The following NSD1 variants were observed in gnomAD, a reference collection of about 807,000 sequenced individuals.
NSD1 encodes the protein nuclear receptor binding SET domain protein 1, also known as histone-lysine N-methyltransferase, H3 lysine-36 specific.
In NSD1, 26 loss-of-function variants were observed where a neutral mutation model predicts 242.7. That is an observed-to-expected ratio of 0.11 (90% confidence interval 0.08 to 0.15). The LOEUF (loss-of-function observed/expected upper bound fraction) is 0.15, where lower values mean the gene tolerates loss of function less well. Ranked by LOEUF, NSD1 falls within the 10% of genes least tolerant of loss-of-function variation. The pLI, the probability that NSD1 is intolerant of heterozygous loss-of-function variation, is 1.00. For synonymous variants in NSD1, 1,106 were observed against 1,178.1 expected (o/e 0.94, Z 1.25); for missense variants, 2,495 against 3,272.8 (o/e 0.76, Z 5.80).
intron 4 of NSD1, among the ~76,000 whole-genome samples, chr5:177,208,508 GTTTTTC>G (rs1763074502): frequency 6.8e-6 from 1 of 148,064 alleles, no homozygotes; most frequent in African/African-American, 2.5e-5. Flanking sequence ...TTTTTTCTTG[GTTTTTC>G]TTTTTCTTTT....
intron 11 of NSD1, among the ~76,000 whole-genome samples, chr5:177,251,009 G>T (rs551972767): frequency 6.6e-6 from 1 of 152,238 alleles, no homozygotes; most frequent in East Asian, 1.9e-4. Flanking sequence ...GGCCAACGTG[G>T]TGAAACCCCA....
At chr5:177,195,594 A>G (rs1355723062) in intron 3 of NSD1, among the ~76,000 whole-genome samples, 1 of 152,200 alleles carries the variant, frequency 6.6e-6, no homozygotes, top group African/African-American at 2.4e-5. Flanking sequence ...GTGCCTTCCA[A>G]GCAGCTGGGG....
chr5:177,267,953 GTT>G lies in NSD1; in HGVS notation c.5303+251_5303+252del, dbSNP rs35703730. ...TTTTCTTTTGTGTATTTTGTGAAAA[GTT>G]TTTTTTTTTTTTTTTAAATGAAAAG... On this transcript the variant is annotated intron_variant, in intron 15 of 22. Coordinates refer to ENST00000439151, the MANE Select transcript of NSD1 (RefSeq NM_022455.5). Among the ~76,000 whole-genome samples the G allele has an allele frequency of 2.9e-3, 398 of 135,644 alleles. 1 individual carries two copies. The highest frequency in any genetic ancestry group is 8.0e-3 in the South Asian group (34 of 4,228). The allele number at this position is 135,644 out of a possible 152,430, so 89.0% of individuals were successfully genotyped here.
intron 4 of NSD1, among the ~76,000 whole-genome samples, chr5:177,204,730 G>A (rs138616884): frequency 1.2e-4 from 19 of 152,178 alleles, no homozygotes; most frequent in Non-Finnish European, 2.1e-4. Flanking sequence ...ATTTCCTTTG[G>A]TAGTAGAATA....
At chr5:177,276,032 C>A (rs1758356354) in intron 17 of NSD1, among the ~76,000 whole-genome samples, 1 of 152,274 alleles carries the variant, frequency 6.6e-6, no homozygotes, top group Middle Eastern at 3.4e-3. Context: ...AGTGATTCTC[C>A]TGCCTCCTGC....
At chr5:177,132,350 G>GCGGCC (rs1336351947), upstream of NSD1, among the ~76,000 whole-genome samples, 1 of 151,218 alleles carries the variant, frequency 6.6e-6, no homozygotes, top group South Asian at 2.1e-4. This position sits in a 1 kb window ranked among gnomAD's most constrained non-coding sequence, Gnocchi z 7.5. Context: ...GGTGCGAGGC[G>GCGGCC]CGGCCCGTCC....
At position 177,191,954 on chromosome 5, in the gene NSD1, G is replaced by A. The variant is rs2149821322; in HGVS notation, c.998G>A (p.Arg333Lys). ...VGDLIWAKFKRRPWWPCRICS... is the reference protein window; with the variant it reads ...VGDLIWAKFKKRPWWPCRICS... Reference sequence around the variant, plus strand: ...GATCTCATCTGGGCAAAATTCAAGAGACGCCCATGGTGGCCCTGCAGGATT... The same window carrying A: ...GATCTCATCTGGGCAAAATTCAAGAAACGCCCATGGTGGCCCTGCAGGATT... The change falls in exon 3 of 23, where the codon AGA becomes AAA. Residue 333 changes from arginine (R) to lysine (K), a missense_variant. Transcript: ENST00000439151. 6.2e-7 allele frequency: 1 copy of A among 1,614,098 alleles called. No homozygotes were observed.
intron 5 of NSD1, among the ~76,000 whole-genome samples, chr5:177,224,434 ATTTG>A (rs1297108540): frequency 2.0e-5 from 3 of 151,962 alleles, no homozygotes; most frequent in Admixed American, 1.3e-4. Flanking sequence ...TTATAAATGA[ATTTG>A]TTTTTGATTT....
intron 9 of NSD1, among the ~76,000 whole-genome samples, chr5:177,244,688 T>C (rs1298537361): frequency 6.6e-6 from 1 of 152,200 alleles, no homozygotes; most frequent in African/African-American, 2.4e-5. Context: ...GCCAATGCCA[T>C]TTATTGATTA....
intron 17 of NSD1, 109 bp from the exon 18 acceptor site, chr5:177,280,456 C>A: frequency 8.2e-7 from 1 of 1,219,552 alleles, no homozygotes; most frequent in Non-Finnish European, 1.2e-6. Flanking sequence ...AGTTCAAAAT[C>A]ATGGGAAATG....
chr5:177,158,237 A>ACTTC (rs1758297541), intron 2 of NSD1, among the ~76,000 whole-genome samples: 1 of 109,046 alleles, frequency 9.2e-6, no homozygotes, highest in African/African-American at 3.5e-5. Context: ...ATGGGTTCTA[A>ACTTC]TTTCTTTCTT....
intron 2 of NSD1, among the ~76,000 whole-genome samples, chr5:177,171,902 C>T (rs191286479): frequency 6.6e-6 from 1 of 152,336 alleles, no homozygotes; most frequent in Admixed American, 6.5e-5. Flanking sequence ...AATAATGTCG[C>T]TATGAACATG....
intron 2 of NSD1, among the ~76,000 whole-genome samples, chr5:177,159,249 G>T (rs1157632604): frequency 1.3e-5 from 2 of 150,448 alleles, no homozygotes; most frequent in Non-Finnish European, 3.0e-5. Context: ...GTCTGCAGTT[G>T]TTCTTTTTCC....
At chr5:177,274,730 G>T (rs1758222086) in intron 17 of NSD1, among the ~76,000 whole-genome samples, 2 of 139,750 alleles carry the variant, frequency 1.4e-5, no homozygotes, top group African/African-American at 2.9e-5. Context: ...TGTGTGTGTT[G>T]TTTTTTTGTT....
intron 3 of NSD1, among the ~76,000 whole-genome samples, chr5:177,194,571 C>G (rs1377836786): frequency 6.9e-6 from 1 of 144,372 alleles, no homozygotes; most frequent in Non-Finnish European, 1.5e-5. Flanking sequence ...GTGTGAGTCA[C>G]CATGCCTCTT....
In NSD1 at chr5:177,210,134, A is replaced by G; in HGVS notation, c.1735A>G (p.Lys579Glu). The change falls in exon 5 of 23, where the codon AAG (lysine) becomes GAG (glutamate). Residue 579 changes from lysine to glutamate, a missense_variant. Lys to Glu is a moderately conservative substitution (Grantham distance 56). Transcript: ENST00000439151. ...LFSSCGKNTA[K>E]KEFETSNGDS... Reference sequence around the variant, plus strand: ...TTCTTCCTGTGGAAAAAACACTGCAAAGAAAGAATTTGAGACTTCAAATGG... The same window carrying G: ...TTCTTCCTGTGGAAAAAACACTGCAGAGAAAGAATTTGAGACTTCAAATGG... The G allele has an allele frequency of 1.2e-6, 2 of 1,613,526 alleles. No individual in the cohort carries two copies. Among genetic ancestry groups the G allele is most frequent in the Non-Finnish European group, 1.7e-6 (2 of 1,179,804 alleles).
intron 3 of NSD1, among the ~76,000 whole-genome samples, chr5:177,201,938 G>A (rs890589057): frequency 7.3e-5 from 11 of 151,648 alleles, no homozygotes; most frequent in African/African-American, 1.9e-4. Flanking sequence ...AGGCCGAGGC[G>A]GGCGGATCAC....
chr5:177,235,690 C>A, intron 5 of NSD1, 131 bp from the exon 6 acceptor site: 2 of 1,219,848 alleles, frequency 1.6e-6, no homozygotes, highest in Non-Finnish European at 1.2e-6. Flanking sequence ...CCTCTTGCAT[C>A]TTAAGCCATA....
intron 12 of NSD1, among the ~76,000 whole-genome samples, chr5:177,253,301 C>T (rs1359222333): frequency 6.6e-6 from 1 of 152,070 alleles, no homozygotes; most frequent in East Asian, 1.9e-4. Context: ...TGTAAAACAG[C>T]TCTATTAAGG....
Sources: allele counts gnomAD v4.1 joint callset (sites outside exome capture counted in the v4.1 genomes callset), GRCh38; gene constraint gnomAD v4.1.1; non-coding constraint Gnocchi (gnomAD v3.1); transcripts MANE v1.5; gene names NCBI Gene and HGNC (gene_info 2026-07-23, HGNC 2026-07-21).